PDE10A: variants seen among roughly 807,000 people sequenced by gnomAD.
PDE10A encodes phosphodiesterase 10A.
A neutral mutation model predicts 97.7 loss-of-function variants in PDE10A; 39 were observed. The ratio of observed to expected loss-of-function variants is 0.40; its 90% CI spans 0.31 to 0.52. PDE10A has a LOEUF of 0.52. Among genes scored for constraint, PDE10A ranks in the 20% least tolerant of loss-of-function variants. The pLI, the probability that PDE10A is intolerant of heterozygous loss-of-function variation, is 0.56. For synonymous variants in PDE10A, 371 were observed against 376.8 expected, an observed-to-expected ratio of 0.98 and a Z score of 0.18; for missense variants, 731 against 1,047.8, an observed-to-expected ratio of 0.70 and a Z score of 4.17.
Position 165,391,665 on chromosome 6 carries a change from T to A in PDE10A, c.2454+981A>T, listed in dbSNP as rs1785728078. On this transcript the variant is annotated intron_variant, in intron 16 of 21. Transcript: ENST00000539869. Reference sequence around the variant, plus strand: ...GCTAAACTCCACTTGAACTAAAGATTGTTTTAAAAAAAGCAACAAAAACTA... The same window carrying A: ...GCTAAACTCCACTTGAACTAAAGATAGTTTTAAAAAAAGCAACAAAAACTA... 3.9e-5 allele frequency among the ~76,000 whole-genome samples: 6 copies of A among 152,160 alleles called. No individual in the cohort carries two copies. In the South Asian group the frequency reaches 1.2e-3, roughly 32 times the overall value.
chr6:165,608,095 C>CATGTATATATATATAT (rs1491517857), intron 1 of PDE10A, among the ~76,000 whole-genome samples: 63 of 147,068 alleles, frequency 4.3e-4, no homozygotes, highest in Non-Finnish European at 9.2e-4. Context: ...TATATATGTG[C>CATGTATATATATATAT]ATATATATAC....
intron 1 of PDE10A, among the ~76,000 whole-genome samples, chr6:165,580,938 G>A (rs1785583407): frequency 1.3e-5 from 2 of 152,152 alleles, no homozygotes; most frequent in South Asian, 4.2e-4. Context: ...CAATGAGAAA[G>A]AAGATGGTAA....
At chr6:165,833,999 A>G (rs983159960) in intron 1 of PDE10A, among the ~76,000 whole-genome samples, 2 of 152,246 alleles carry the variant, frequency 1.3e-5, no homozygotes, top group African/African-American at 4.8e-5. Flanking sequence ...CCAGCAGCAC[A>G]TACTAGAGAG....
intron 16 of PDE10A, among the ~76,000 whole-genome samples, chr6:165,389,605 G>T (rs1054651047): frequency 6.6e-6 from 1 of 152,188 alleles, no homozygotes; most frequent in Non-Finnish European, 1.5e-5. Context: ...TTTAGACTGA[G>T]GCGAAGGAGT....
chr6:165,371,158 T>C (rs373411979), intron 18 of PDE10A, among the ~76,000 whole-genome samples: 9 of 151,054 alleles, frequency 6.0e-5, no homozygotes, highest in South Asian at 2.1e-4. Flanking sequence ...CCTAACATCA[T>C]AATTAAAAGA....
chr6:165,836,639 T>G (rs1562760790), intron 1 of PDE10A, among the ~76,000 whole-genome samples: 2 of 152,200 alleles, frequency 1.3e-5, no homozygotes, highest in Non-Finnish European at 1.5e-5. Flanking sequence ...GTCAGTGATA[T>G]CTGGGGACCA....
chr6:165,425,368 G>A (rs1436554649), intron 10 of PDE10A, among the ~76,000 whole-genome samples: 1 of 152,078 alleles, frequency 6.6e-6, no homozygotes, highest in East Asian at 1.9e-4. Flanking sequence ...CATCACAGGA[G>A]TGCAAGGTTA....
At chr6:165,606,045 T>C (rs1351339558) in intron 1 of PDE10A, among the ~76,000 whole-genome samples, 1 of 150,844 alleles carries the variant, frequency 6.6e-6, no homozygotes, top group Non-Finnish European at 1.5e-5. Flanking sequence ...ACGCAGCAGG[T>C]GCGTGGGGAT....
In PDE10A at chr6:165,432,974, C is replaced by T; in HGVS notation, c.1491G>A (p.Glu497=). The change falls in exon 7 of 22, where the codon GAG becomes GAA. Residue 497 remains glutamate, a splice_region_variant and synonymous_variant. Coordinates refer to ENST00000539869, the MANE Select transcript of PDE10A (RefSeq NM_001385079.1). ...AACATGCAGCATTTAAAGGCCTTACCTCCTGGTGACTAAGACAGAAGGCTT... is the reference window on the plus strand; with the variant it reads ...AACATGCAGCATTTAAAGGCCTTACTTCCTGGTGACTAAGACAGAAGGCTT... ...GKEAFCLSHQ[E]VATANLAWAS... The T allele has an allele frequency of 1.9e-6, 3 of 1,613,006 alleles. No individual in the cohort carries two copies. The highest frequency in any genetic ancestry group is 1.7e-6 in the Non-Finnish European group (2 of 1,179,454).
At chr6:165,416,609 T>C (rs1215119085) in intron 11 of PDE10A, among the ~76,000 whole-genome samples, 3 of 152,188 alleles carry the variant, frequency 2.0e-5, no homozygotes, top group Admixed American at 6.5e-5. Context: ...AACATAAATT[T>C]TTTTAGTGGA....
chr6:165,416,163 G>A (rs768719720), intron 12 of PDE10A, 26 bp downstream of exon 12: 1 of 1,400,114 alleles, frequency 7.1e-7, no homozygotes, highest in Non-Finnish European at 1.0e-6. Flanking sequence ...GAAATCAATG[G>A]AGTGTCGACA....
In PDE10A at chr6:165,330,098, G is replaced by A. The variant is rs1162657420; in HGVS notation, c.*2927C>T. ...AAAACATATTCACTGTGTCCAAAAA[G>A]ATAATGGAATAATTGCATATGACCA... On this transcript the variant is annotated 3_prime_UTR_variant, in exon 22 of 22. Coordinates refer to ENST00000539869, the MANE Select transcript of PDE10A (RefSeq NM_001385079.1). 1 of 152,136 alleles carries A rather than the reference G, an allele frequency of 6.6e-6. No individual in the cohort carries two copies. The highest frequency in any genetic ancestry group is 1.5e-5 in the Non-Finnish European group (1 of 68,006). The allele number at this position is 152,136 out of a possible 1,614,324, so 9.4% of individuals were successfully genotyped here.
chr6:165,461,193 C>T (rs907598399), intron 3 of PDE10A, among the ~76,000 whole-genome samples: 1 of 152,158 alleles, frequency 6.6e-6, no homozygotes, highest in Admixed American at 6.5e-5. Context: ...AGTTATACAA[C>T]CTATGGGAGC....
At chr6:165,979,746 T>C (rs1784955391) in intron 1 of PDE10A, among the ~76,000 whole-genome samples, 1 of 152,194 alleles carries the variant, frequency 6.6e-6, no homozygotes, top group Non-Finnish European at 1.5e-5. Context: ...GCCAACATTC[T>C]GACTGACAAA....
chr6:165,900,386 G>A (rs1782070004), intron 1 of PDE10A, among the ~76,000 whole-genome samples: 1 of 151,946 alleles, frequency 6.6e-6, no homozygotes, highest in Admixed American at 6.6e-5. Flanking sequence ...GCAGGAGAAT[G>A]GCTTGAACCC....
intron 1 of PDE10A, among the ~76,000 whole-genome samples, chr6:165,928,109 T>C (rs1367141909): frequency 6.6e-6 from 1 of 151,670 alleles, no homozygotes; most frequent in Non-Finnish European, 1.5e-5. Context: ...CATAATTATA[T>C]AAACACTATG....
chr6:165,987,493 A>G (rs908415142), intron 1 of PDE10A: 2 of 353,372 alleles, frequency 5.7e-6, no homozygotes, highest in Non-Finnish European at 1.1e-5. Context: ...TGGACTCTCA[A>G]GGGTTAAATA....
At chr6:165,806,939 CAGTG>C (rs1779159028) in intron 1 of PDE10A, among the ~76,000 whole-genome samples, 1 of 152,312 alleles carries the variant, frequency 6.6e-6, no homozygotes, top group East Asian at 1.9e-4. Flanking sequence ...TTTTTTCACT[CAGTG>C]AGCACATCTG....
At chr6:165,611,650 G>A (rs1469450600) in intron 1 of PDE10A, among the ~76,000 whole-genome samples, 1 of 152,222 alleles carries the variant, frequency 6.6e-6, no homozygotes, top group African/African-American at 2.4e-5. Flanking sequence ...CAGTATCACT[G>A]CTGTAGCCAT....
Sources: gnomAD v4.1 joint callset for allele counts (sites outside exome capture counted in the v4.1 genomes callset) on GRCh38, gnomAD v4.1.1 for gene constraint, MANE v1.5 for transcripts, NCBI Gene and HGNC (gene_info 2026-07-23, HGNC 2026-07-21) for gene names.